Variants in KLF15 observed in about 807,000 individuals in gnomAD.
KLF15 encodes KLF transcription factor 15, also known as Krueppel-like factor 15.
In KLF15, 4 loss-of-function variants were observed where a neutral mutation model predicts 24.6. The ratio of observed to expected loss-of-function variants is 0.16; its 90% CI spans 0.08 to 0.37. The LOEUF (loss-of-function observed/expected upper bound fraction) is 0.37, where lower values mean the gene tolerates loss of function less well. Among genes scored for constraint, KLF15 ranks in the 10% least tolerant of loss-of-function variants. The pLI, the probability that KLF15 is intolerant of heterozygous loss-of-function variation, is 1.00. For synonymous variants in KLF15, 246 were observed against 236.3 expected (o/e 1.04, Z -0.37); for missense variants, 496 against 560.6 (o/e 0.88, Z 1.16).
the KLF15 span, among the ~76,000 whole-genome samples, chr3:126,337,577 T>TAAAA: frequency 2.9e-4 from 43 of 150,558 alleles, 1 homozygote; most frequent in African/African-American, 9.8e-4. Flanking sequence ...AAAGTATAAT[T>TAAAA]AAAAAAAAAG....
chr3:126,354,638 T>C (rs1168060388), intron 1 of KLF15, among the ~76,000 whole-genome samples: 2 of 152,118 alleles, frequency 1.3e-5, no homozygotes, highest in East Asian at 3.8e-4. Context: ...GCTTTTTGGT[T>C]TAAATACTCA....
At chr3:126,338,333 CCAGGGATT>C (rs1322984248), downstream of KLF15, among the ~76,000 whole-genome samples, 17 of 152,198 alleles carry the variant, frequency 1.1e-4, no homozygotes, top group African/African-American at 4.1e-4. Context: ...CACGCCTTGT[CCAGGGATT>C]CAGGGAGAGA....
chr3:126,327,451 T>C, the KLF15 span, among the ~76,000 whole-genome samples: 2 of 152,292 alleles, frequency 1.3e-5, no homozygotes, highest in Admixed American at 1.3e-4. Flanking sequence ...TTGGGATGTC[T>C]GTGGATGATT....
rs1374963456 is a variant in KLF15, at chr3:126,356,042, C to T, written c.-26+1195G>A. Among the ~76,000 whole-genome samples, 3 of 152,318 alleles carry T rather than the reference C, an allele frequency of 2.0e-5. No individual in the cohort carries two copies. Among genetic ancestry groups the T allele is most frequent in the East Asian group, 3.9e-4 (2 of 5,158 alleles). On this transcript the variant is annotated intron_variant, in intron 1 of 2. Coordinates refer to ENST00000296233, the MANE Select transcript of KLF15 (RefSeq NM_014079.4). The surrounding 1 kb of genome is among the most constrained non-coding windows in gnomAD (Gnocchi z 4.4). ...CCGGACTCCGCCCCCTCCCCTGGCC[C>T]GGCCAGGCCTGCTGTTTATCCTCCC...
chr3:126,301,278 G>A, the KLF15 span, among the ~76,000 whole-genome samples: 3 of 152,160 alleles, frequency 2.0e-5, no homozygotes, highest in Non-Finnish European at 2.9e-5. Flanking sequence ...CACGTGTTTC[G>A]CTTTCTCGCT....
At chr3:126,295,562 G>C in the KLF15 span, among the ~76,000 whole-genome samples, 3 of 152,138 alleles carry the variant, frequency 2.0e-5, no homozygotes, top group Non-Finnish European at 4.4e-5. Flanking sequence ...CCAGATCAGT[G>C]CCTCCTCCCC....
chr3:126,323,426 T>A, the KLF15 span, among the ~76,000 whole-genome samples: 4 of 37,934 alleles, frequency 1.1e-4, no homozygotes, highest in African/African-American at 3.2e-4. Flanking sequence ...TATATATATA[T>A]ATATATATAA....
At chr3:126,297,268 T>A in the KLF15 span, among the ~76,000 whole-genome samples, 1 of 152,168 alleles carries the variant, frequency 6.6e-6, no homozygotes, top group African/African-American at 2.4e-5. Context: ...AAGTAATGAA[T>A]CTGGAACTTA....
chr3:126,289,251 A>T, the KLF15 span, among the ~76,000 whole-genome samples: 10 of 152,382 alleles, frequency 6.6e-5, no homozygotes, highest in South Asian at 4.1e-4. Context: ...GAATATTTTT[A>T]AAATCCTATG....
Position 126,343,729 on chromosome 3 carries a change from A to C in KLF15, c.1249T>G (p.Ter417GlyextTer23). ...ACAGGCTGGGGTTCAGGGCGCTTTCAGTTCACGGAGCGCACGGAGCGGCTG... is the reference window on the plus strand; with the variant it reads ...ACAGGCTGGGGTTCAGGGCGCTTTCCGTTCACGGAGCGCACGGAGCGGCTG... ...RSSRSVRSVN[*>G] The change falls in exon 3 of 3, where the codon TGA (stop) becomes GGA (glycine). Residue 417 changes from the stop codon to glycine (G), a stop_lost. Transcript: ENST00000296233. 1.2e-6 allele frequency: 2 copies of C among 1,609,742 alleles called. No individual in the cohort carries two copies. Among genetic ancestry groups the C allele is most frequent in the Non-Finnish European group, 1.7e-6 (2 of 1,178,918 alleles).
chr3:126,345,475 G>A (rs2082527912), intron 2 of KLF15, among the ~76,000 whole-genome samples: 1 of 151,618 alleles, frequency 6.6e-6, no homozygotes, highest in Non-Finnish European at 1.5e-5. Flanking sequence ...AAGCATGCAC[G>A]CACACACACA....
chr3:126,350,445 G>A (rs1181164098), intron 2 of KLF15, among the ~76,000 whole-genome samples: 1 of 152,182 alleles, frequency 6.6e-6, no homozygotes, highest in Non-Finnish European at 1.5e-5. Context: ...CCTAGACACT[G>A]TTCAGGAAAA....
At chr3:126,323,409 A>ATATATATAT in the KLF15 span, among the ~76,000 whole-genome samples, 1 of 33,858 alleles carries the variant, frequency 3.0e-5, no homozygotes, top group African/African-American at 1.8e-4. Context: ...GTAGTTATAT[A>ATATATATAT]TATATATATA....
At chr3:126,351,708 G>C in intron 2 of KLF15, 133 bp downstream of exon 2, 1 of 1,094,640 alleles carries the variant, frequency 9.1e-7, no homozygotes, top group South Asian at 1.6e-5. Context: ...CTCTGGGCCT[G>C]CACCCGCCTG....
At chr3:126,353,492 C>T (rs1353040785) in intron 1 of KLF15, among the ~76,000 whole-genome samples, 2 of 152,152 alleles carry the variant, frequency 1.3e-5, no homozygotes, top group Non-Finnish European at 2.9e-5. Context: ...CAGTTACATT[C>T]GAATTTCAGA....
At chr3:126,300,246 G>A in the KLF15 span, among the ~76,000 whole-genome samples, 1 of 152,146 alleles carries the variant, frequency 6.6e-6, no homozygotes, top group African/African-American at 2.4e-5. Context: ...GAGGCCATCC[G>A]ACCCCTGAGC....
At chr3:126,324,965 C>T in the KLF15 span, among the ~76,000 whole-genome samples, 32,023 of 82,624 alleles carry the variant, frequency 0.39, 6,919 homozygotes, top group Non-Finnish European at 0.45. Context: ...CCCCCTCCCC[C>T]GACCCCACCA....
At chr3:126,308,491 T>C in the KLF15 span, among the ~76,000 whole-genome samples, 1 of 152,134 alleles carries the variant, frequency 6.6e-6, no homozygotes, top group South Asian at 2.1e-4. Context: ...CACGTCCCGG[T>C]GTCTGCCGCA....
chr3:126,347,402 T>A (rs1034608729), intron 2 of KLF15, among the ~76,000 whole-genome samples: 1 of 152,136 alleles, frequency 6.6e-6, no homozygotes, highest in Admixed American at 6.5e-5. Context: ...GCCAGACCCC[T>A]AAGTTTGAAT....
Sources: allele counts gnomAD v4.1 joint callset (sites outside exome capture counted in the v4.1 genomes callset), GRCh38; gene constraint gnomAD v4.1.1; non-coding constraint Gnocchi (gnomAD v3.1); transcripts MANE v1.5; gene names NCBI Gene and HGNC (gene_info 2026-07-23, HGNC 2026-07-21).